Variants in TBX15 observed in about 807,000 individuals in gnomAD.
TBX15 encodes the protein T-box transcription factor TBX15.
A neutral mutation model predicts 53.9 loss-of-function variants in TBX15; 18 were observed. That is an observed-to-expected ratio of 0.33 (90% confidence interval 0.23 to 0.49). TBX15 has a LOEUF of 0.49. Among genes scored for constraint, TBX15 ranks in the 20% least tolerant of loss-of-function variants. The pLI, the probability that TBX15 is intolerant of heterozygous loss-of-function variation, is 0.98. For synonymous variants in TBX15, 295 were observed against 278.0 expected (o/e 1.06, Z -0.61); for missense variants, 692 against 749.5 (o/e 0.92, Z 0.90).
At chr1:118,901,430 G>T (rs1654626653) in intron 6 of TBX15, 1 of 456,204 alleles carries the variant, frequency 2.2e-6, no homozygotes, top group Admixed American at 2.4e-5. Flanking sequence ...TTTTATTGCA[G>T]ATTAAGTTTG....
At chr1:118,916,732 G>T (rs1016181365) in intron 5 of TBX15, among the ~76,000 whole-genome samples, 3 of 152,040 alleles carry the variant, frequency 2.0e-5, no homozygotes, top group Admixed American at 6.6e-5. Context: ...TAGGCATGGT[G>T]GTGTGCACCT....
Position 118,889,351 on chromosome 1 carries a change from GCA to G in TBX15, c.1025-3837_1025-3836del, listed in dbSNP as rs547916200. On this transcript the variant is annotated intron_variant, in intron 7 of 7. Coordinates refer to ENST00000369429, the MANE Select transcript of TBX15 (RefSeq NM_001330677.2). ...GAATTTCCAGCCAAGTGCAAAATGAGCACAAAGAGGGAGCCCATCCTCTTTGA... is the reference window on the plus strand; with the variant it reads ...GAATTTCCAGCCAAGTGCAAAATGAGCAAAGAGGGAGCCCATCCTCTTTGA... Among the ~76,000 whole-genome samples the G allele has an allele frequency of 1.3e-3, 195 of 152,300 alleles. 5 individuals are homozygous for G. The highest frequency in any genetic ancestry group is 1.7e-3 in the Non-Finnish European group (115 of 68,032).
intron 1 of TBX15, among the ~76,000 whole-genome samples, chr1:118,962,567 C>T (rs1221246407): frequency 6.6e-6 from 1 of 152,126 alleles, no homozygotes; most frequent in Admixed American, 6.5e-5. Context: ...TTCAGTGAAC[C>T]ACCTCACTAC....
At chr1:118,970,794 T>A (rs1434845312) in intron 1 of TBX15, among the ~76,000 whole-genome samples, 1 of 152,150 alleles carries the variant, frequency 6.6e-6, no homozygotes, top group Non-Finnish European at 1.5e-5. Context: ...GAGGGGTTTT[T>A]CTCCTTCCTT....
At chr1:118,915,033 T>C (rs1307231901) in intron 5 of TBX15, among the ~76,000 whole-genome samples, 4 of 152,212 alleles carry the variant, frequency 2.6e-5, no homozygotes, top group Non-Finnish European at 5.9e-5. Flanking sequence ...TGGTTGTATA[T>C]ATTGCCCTCA....
At chr1:118,970,821 T>C (rs12759570) in intron 1 of TBX15, among the ~76,000 whole-genome samples, 15,936 of 152,170 alleles carry the variant, frequency 0.1, 932 homozygotes, top group Non-Finnish European at 0.13. Flanking sequence ...ACAATCTACC[T>C]TCCCTGGTAC....
intron 6 of TBX15, among the ~76,000 whole-genome samples, chr1:118,904,204 C>G (rs1477930781): frequency 6.6e-6 from 1 of 152,064 alleles, no homozygotes; most frequent in Non-Finnish European, 1.5e-5. Flanking sequence ...CCTCTGATCC[C>G]CTTTCTTTTC....
chr1:118,959,896 A>G lies in TBX15; in HGVS notation c.205+27695T>C, dbSNP rs534816556. Among the ~76,000 whole-genome samples the G allele has an allele frequency of 4.6e-5, 7 of 152,222 alleles. 1 individual carries two copies. In the South Asian group the frequency reaches 1.2e-3, roughly 27 times the overall value. On this transcript the variant is annotated intron_variant, in intron 1 of 7. Coordinates refer to ENST00000369429, the MANE Select transcript of TBX15 (RefSeq NM_001330677.2). ...AATATAGTACCTTGGGGTGGAGTAG[A>G]GAGGCATGTTTCACCTGCGGCTTCC...
At chr1:118,978,346 C>G (rs1169831716) in intron 1 of TBX15, among the ~76,000 whole-genome samples, 1 of 151,972 alleles carries the variant, frequency 6.6e-6, no homozygotes, top group Non-Finnish European at 1.5e-5. Flanking sequence ...AAGTGATGAC[C>G]AAAGTACTTT....
chr1:118,905,038 AT>A, intron 6 of TBX15, among the ~76,000 whole-genome samples: 1 of 152,354 alleles, frequency 6.6e-6, no homozygotes, highest in African/African-American at 2.4e-5. Context: ...AGAAAACATA[AT>A]GAAAGTTTGA....
chr1:118,903,903 T>C (rs554635140), intron 6 of TBX15, among the ~76,000 whole-genome samples: 23 of 152,288 alleles, frequency 1.5e-4, no homozygotes, highest in Middle Eastern at 6.8e-3. Flanking sequence ...TGGGCAAGAA[T>C]CACTTAATAT....
chr1:118,918,926 C>G (rs1655335514), intron 5 of TBX15, among the ~76,000 whole-genome samples: 1 of 152,106 alleles, frequency 6.6e-6, no homozygotes, highest in Non-Finnish European at 1.5e-5. Flanking sequence ...TACTATATTG[C>G]TTGAAAGGTT....
At chr1:118,935,885 C>A (rs1202817718) in intron 1 of TBX15, among the ~76,000 whole-genome samples, 2 of 152,102 alleles carry the variant, frequency 1.3e-5, no homozygotes, top group Non-Finnish European at 2.9e-5. Context: ...ATTTTTATGT[C>A]TATTTTGTGG....
chr1:118,919,951 A>G (rs767485562), intron 5 of TBX15, among the ~76,000 whole-genome samples: 1 of 152,208 alleles, frequency 6.6e-6, no homozygotes, highest in Non-Finnish European at 1.5e-5. Flanking sequence ...CATTCATAAA[A>G]GTACCCATAT....
intron 1 of TBX15, among the ~76,000 whole-genome samples, chr1:118,947,735 C>T (rs569063798): frequency 1.3e-5 from 2 of 152,240 alleles, no homozygotes; most frequent in East Asian, 3.9e-4. Flanking sequence ...ACTTGCAGTG[C>T]CCATTAGAGA....
chr1:118,968,990 T>C (rs546981813), intron 1 of TBX15, among the ~76,000 whole-genome samples: 1 of 152,302 alleles, frequency 6.6e-6, no homozygotes, highest in Admixed American at 6.5e-5. Context: ...ACAGCCCAAA[T>C]GGCATAATCA....
chr1:118,942,004 C>T (rs1656191797), intron 1 of TBX15, among the ~76,000 whole-genome samples: 2 of 152,184 alleles, frequency 1.3e-5, no homozygotes, highest in Non-Finnish European at 2.9e-5. Flanking sequence ...TGCATTAATA[C>T]TTCATCAACA....
intron 1 of TBX15, among the ~76,000 whole-genome samples, chr1:118,954,094 T>C (rs1277012398): frequency 6.6e-6 from 1 of 152,194 alleles, no homozygotes; most frequent in Non-Finnish European, 1.5e-5. Flanking sequence ...CCAGGGGCTG[T>C]CAAAGCTTTC....
At chr1:118,894,633 C>A (rs979340445) in intron 7 of TBX15, among the ~76,000 whole-genome samples, 1 of 151,746 alleles carries the variant, frequency 6.6e-6, no homozygotes, top group African/African-American at 2.4e-5. Flanking sequence ...GAGATGTGGA[C>A]AGATTTAAGA....
Sources: gnomAD v4.1 joint callset for allele counts (sites outside exome capture counted in the v4.1 genomes callset) on GRCh38, gnomAD v4.1.1 for gene constraint, MANE v1.5 for transcripts, NCBI Gene and HGNC (gene_info 2026-07-23, HGNC 2026-07-21) for gene names.